MFHAS1: variants seen among roughly 807,000 people sequenced by gnomAD.
MFHAS1 encodes the protein multifunctional ROCO family signaling regulator 1, also known as malignant fibrous histiocytoma-amplified sequence 1.
Under a neutral mutation model 70.4 loss-of-function variants are expected in MFHAS1, and 50 were observed. That is an observed-to-expected ratio of 0.71 (90% CI 0.57 to 0.90). MFHAS1 has a LOEUF of 0.90. Among genes scored for constraint, MFHAS1 ranks in the 40% least tolerant of loss-of-function variants. The pLI is 0.00. For missense variants in MFHAS1, 1,795 were observed against 1,347.6 expected, an observed-to-expected ratio of 1.33 and a Z score of -5.20; for synonymous variants, 952 against 620.0, an observed-to-expected ratio of 1.54 and a Z score of -7.96.
chr8:8,880,299 C>T (rs1291800945), intron 1 of MFHAS1, among the ~76,000 whole-genome samples: 2 of 152,202 alleles, frequency 1.3e-5, no homozygotes, highest in African/African-American at 4.8e-5. Flanking sequence ...TGTATCTGCC[C>T]CACCCCTCCA....
chr8:8,862,895 T>G (rs898508922), intron 1 of MFHAS1, among the ~76,000 whole-genome samples: 1 of 152,178 alleles, frequency 6.6e-6, no homozygotes, highest in Non-Finnish European at 1.5e-5. Context: ...TAAAACATAG[T>G]CTATTTAACA....
chr8:8,831,726 A>G (rs950981536), intron 1 of MFHAS1, among the ~76,000 whole-genome samples: 1 of 151,332 alleles, frequency 6.6e-6, no homozygotes, highest in African/African-American at 2.4e-5. Context: ...CTTGTGCCTC[A>G]GCCTCCTGAG....
intron 1 of MFHAS1, among the ~76,000 whole-genome samples, chr8:8,878,544 A>C (rs1220114456): frequency 6.6e-6 from 1 of 152,196 alleles, no homozygotes; most frequent in Non-Finnish European, 1.5e-5. Context: ...TGACATGAAA[A>C]ACAAGAATCA....
Position 8,892,891 on chromosome 8 carries a change from G to A in MFHAS1, c.168C>T (p.Leu56=), listed in dbSNP as rs771323313. The change falls in exon 1 of 3, where the codon CTC becomes CTT. Residue 56 remains leucine, a synonymous_variant. Transcript: ENST00000276282. The surrounding 1 kb of genome is among the most constrained non-coding windows in gnomAD (Gnocchi z 4.7). ...TGTCCCCGAGGTTGGCCGGCAGCAC[G>A]AGCTGGGGGGAGGCGGGGGACTCGA... ...DALESPASPQ[L]VLPANLGDIE... 4 of 1,577,990 alleles carry A rather than the reference G, an allele frequency of 2.5e-6. No homozygotes were observed. Among genetic ancestry groups the A allele is most frequent in the African/African-American group, 2.8e-5 (2 of 72,328 alleles).
intron 1 of MFHAS1, among the ~76,000 whole-genome samples, chr8:8,875,647 G>A (rs1033749813): frequency 6.6e-6 from 1 of 152,214 alleles, no homozygotes; most frequent in Admixed American, 6.5e-5. Flanking sequence ...CTGGAGTACA[G>A]TGGCACGATC....
chr8:8,865,403 A>G (rs1808820481), intron 1 of MFHAS1, among the ~76,000 whole-genome samples: 1 of 151,992 alleles, frequency 6.6e-6, no homozygotes, highest in African/African-American at 2.4e-5. Flanking sequence ...AAAATCAGAA[A>G]CTCCTGGATA....
chr8:8,857,301 T>G (rs1447247663), intron 1 of MFHAS1, among the ~76,000 whole-genome samples: 1 of 152,198 alleles, frequency 6.6e-6, no homozygotes, highest in Non-Finnish European at 1.5e-5. Flanking sequence ...ACAAGTTTGC[T>G]CCTAATTTAA....
chr8:8,787,465 G>A (rs1012998215), intron 2 of MFHAS1, among the ~76,000 whole-genome samples: 1 of 152,148 alleles, frequency 6.6e-6, no homozygotes, highest in African/African-American at 2.4e-5. Flanking sequence ...ACAGAGCCAG[G>A]CCTTTCACTA....
chr8:8,821,687 T>G (rs917814896), intron 1 of MFHAS1: 5 of 152,244 alleles, frequency 3.3e-5, no homozygotes, highest in Admixed American at 6.5e-5. Flanking sequence ...CCTCCAAGCA[T>G]GCAAAGATGT....
intron 1 of MFHAS1, among the ~76,000 whole-genome samples, chr8:8,887,462 TCTG>T: frequency 6.6e-6 from 1 of 151,518 alleles, no homozygotes; most frequent in East Asian, 1.9e-4. Context: ...TTCTATACCC[TCTG>T]CTACTTTTGA....
intron 1 of MFHAS1, among the ~76,000 whole-genome samples, chr8:8,878,781 A>G (rs1809395185): frequency 1.3e-5 from 2 of 152,194 alleles, no homozygotes; most frequent in Admixed American, 1.3e-4. Flanking sequence ...GTACTAATAC[A>G]ATGTTAATAG....
chr8:8,885,143 G>A (rs1002664656), intron 1 of MFHAS1, among the ~76,000 whole-genome samples: 2 of 152,070 alleles, frequency 1.3e-5, no homozygotes, highest in Non-Finnish European at 2.9e-5. Context: ...ATGCTGTGTT[G>A]TCGGAGAGGT....
chr8:8,806,378 G>A (rs1317285625), intron 1 of MFHAS1, among the ~76,000 whole-genome samples: 1 of 152,072 alleles, frequency 6.6e-6, no homozygotes, highest in East Asian at 1.9e-4. Flanking sequence ...AAACATCCAG[G>A]GCCAGCAAGT....
At chr8:8,849,115 C>G (rs1385933081) in intron 1 of MFHAS1, among the ~76,000 whole-genome samples, 1 of 110,254 alleles carries the variant, frequency 9.1e-6, no homozygotes, top group Non-Finnish European at 1.7e-5. Flanking sequence ...GAGTCTAGCT[C>G]TGTTGCCCAG....
chr8:8,859,380 A>T (rs773617120), intron 1 of MFHAS1, among the ~76,000 whole-genome samples: 1 of 152,142 alleles, frequency 6.6e-6, no homozygotes, highest in Admixed American at 6.5e-5. Flanking sequence ...ATGTTTCCTA[A>T]CTGTGGAACT....
At position 8,892,257 on chromosome 8, in the gene MFHAS1, G is replaced by C. The variant is rs1296489343; in HGVS notation, c.802C>G (p.Gln268Glu). 5 of 1,612,076 alleles carry C rather than the reference G, an allele frequency of 3.1e-6. No individual in the cohort carries two copies. The highest frequency in any genetic ancestry group is 4.2e-6 in the Non-Finnish European group (5 of 1,180,044). Residue 268 changes from glutamine (Q) to glutamate (E), a missense_variant, in exon 1 of 3, where the codon CAG becomes GAG. Physicochemically the swap from Gln to Glu is conservative, Grantham distance 29. Transcript: ENST00000276282. The surrounding 1 kb of genome is among the most constrained non-coding windows in gnomAD (Gnocchi z 4.7). ...TTGAGCCGCTGCAGGCAGCTGAACT[G>C]GGCGGGCAGAGCCTGCAGCCCGTTG... ...DNNGLQALPA[Q>E]FSCLQRLKML...
At chr8:8,835,371 G>T (rs902981588) in intron 1 of MFHAS1, among the ~76,000 whole-genome samples, 1 of 152,046 alleles carries the variant, frequency 6.6e-6, no homozygotes, top group Non-Finnish European at 1.5e-5. Flanking sequence ...CTGTCCCACG[G>T]GTCTTGAGCA....
chr8:8,862,017 T>C (rs1808683149), intron 1 of MFHAS1, among the ~76,000 whole-genome samples: 2 of 152,380 alleles, frequency 1.3e-5, no homozygotes, highest in Admixed American at 6.5e-5. Flanking sequence ...CTTTTTAAAA[T>C]GTATTTTCAT....
At chr8:8,827,007 T>A (rs1184407938) in intron 1 of MFHAS1, among the ~76,000 whole-genome samples, 2 of 152,208 alleles carry the variant, frequency 1.3e-5, no homozygotes, top group African/African-American at 4.8e-5. Context: ...TACATTCCCT[T>A]CATTTTTGTT....
Sources: allele counts gnomAD v4.1 joint callset (sites outside exome capture counted in the v4.1 genomes callset), GRCh38; gene constraint gnomAD v4.1.1; non-coding constraint Gnocchi (gnomAD v3.1); transcripts MANE v1.5; gene names NCBI Gene and HGNC (gene_info 2026-07-23, HGNC 2026-07-21).